Variants in GPR137B observed in about 807,000 individuals in gnomAD.
GPR137B encodes integral membrane protein GPR137B.
Under a neutral mutation model 42.5 loss-of-function variants are expected in GPR137B, and 42 were observed. The observed-to-expected ratio is 0.99, with a 90% CI of 0.77 to 1.28. The LOEUF (loss-of-function observed/expected upper bound fraction) is 1.28. GPR137B is among the 50% of genes most tolerant of loss of function. The pLI, the probability that GPR137B is intolerant of heterozygous loss-of-function variation, is 0.00. For synonymous variants in GPR137B, 218 were observed against 209.7 expected (o/e 1.04, Z -0.34); for missense variants, 487 against 493.9 (o/e 0.99, Z 0.13).
intron 2 of GPR137B, 148 bp downstream of exon 2, chr1:236,168,903 C>T: frequency 1.5e-6 from 1 of 678,178 alleles, no homozygotes; most frequent in South Asian, 1.7e-5. Flanking sequence ...ACATTGTGCA[C>T]ATCATGTGCA....
rs1156281480 is a variant in GPR137B at position 236,142,559 on chromosome 1, G to C, written c.-64G>C. On this transcript the variant is annotated 5_prime_UTR_variant, in exon 1 of 7. Transcript: ENST00000366592. ...GGCTTGTTTTCTTTCCTCCAGTCTC[G>C]GGGCTGCAGGCTGAGCGCGATGCGC... 5.6e-6 allele frequency: 5 copies of C among 885,186 alleles called. No individual in the cohort carries two copies. The highest frequency in any genetic ancestry group is 3.8e-5 in the South Asian group (1 of 26,436). 54.8% of individuals were successfully genotyped at this position (885,186 alleles called of 1,614,324 possible).
chr1:236,188,483 G>A (rs1439831927), intron 5 of GPR137B, among the ~76,000 whole-genome samples: 1 of 152,056 alleles, frequency 6.6e-6, no homozygotes, highest in Non-Finnish European at 1.5e-5. Context: ...ATTATTTTGA[G>A]ATACATTCCA....
At chr1:236,190,148 C>CTTTTTT (rs34520510) in intron 5 of GPR137B, among the ~76,000 whole-genome samples, 157 of 119,086 alleles carry the variant, frequency 1.3e-3, no homozygotes, top group Non-Finnish European at 2.0e-3. Context: ...CCTGCTTCTT[C>CTTTTTT]TTTTTTTTTT....
At chr1:236,170,039 C>CAAA (rs11346365) in intron 2 of GPR137B, among the ~76,000 whole-genome samples, 62 of 36,612 alleles carry the variant, frequency 1.7e-3, no homozygotes, top group East Asian at 2.8e-3. Context: ...GAATCCATCT[C>CAAA]AAAAAAAAAA....
chr1:236,190,386 G>C (rs1355655695), intron 5 of GPR137B, among the ~76,000 whole-genome samples: 1 of 152,152 alleles, frequency 6.6e-6, no homozygotes, highest in Non-Finnish European at 1.5e-5. Flanking sequence ...GATGTTAGCT[G>C]ATTATTTTGC....
At position 236,156,953 on chromosome 1, in the gene GPR137B, G is replaced by A. The variant is rs1005660998; in HGVS notation, c.415-11753G>A. Among the ~76,000 whole-genome samples the A allele has an allele frequency of 4.6e-5, 7 of 152,188 alleles. No homozygotes were observed. Among genetic ancestry groups the A allele is most frequent in the Non-Finnish European group, 1.5e-5 (1 of 68,026 alleles). ...TAGTAGCTGTGCGTTTAGAATCATGGTTTGCGAACATAGATGAGGACTAAT... is the reference window on the plus strand; with the variant it reads ...TAGTAGCTGTGCGTTTAGAATCATGATTTGCGAACATAGATGAGGACTAAT... On this transcript the variant is annotated intron_variant, in intron 1 of 6. Coordinates refer to ENST00000366592, the MANE Select transcript of GPR137B (RefSeq NM_003272.4). The surrounding 1 kb of genome is among the most constrained non-coding windows in gnomAD (Gnocchi z 4.8).
chr1:236,147,024 GT>G (rs1398395294), intron 1 of GPR137B, among the ~76,000 whole-genome samples: 1 of 152,226 alleles, frequency 6.6e-6, no homozygotes. Flanking sequence ...GGCCAGGCTG[GT>G]TTTGAACTCC....
intron 5 of GPR137B, among the ~76,000 whole-genome samples, chr1:236,192,456 A>G (rs1663218076): frequency 6.6e-6 from 1 of 151,860 alleles, no homozygotes; most frequent in South Asian, 2.1e-4. Flanking sequence ...CTTGAAACCT[A>G]GGGCCCTGGA....
chr1:236,179,116 C>T (rs1306403946), intron 3 of GPR137B, among the ~76,000 whole-genome samples: 3 of 151,884 alleles, frequency 2.0e-5, no homozygotes, highest in Admixed American at 2.0e-4. Context: ...CTTTTAACAA[C>T]AGAACTGTGG....
At chr1:236,203,662 T>A (rs1203695527) in intron 5 of GPR137B, among the ~76,000 whole-genome samples, 1 of 152,190 alleles carries the variant, frequency 6.6e-6, no homozygotes, top group Non-Finnish European at 1.5e-5. Flanking sequence ...CAGAAAATAT[T>A]TTTCCATTTT....
intron 5 of GPR137B, among the ~76,000 whole-genome samples, chr1:236,192,864 T>C (rs1004257843): frequency 6.6e-6 from 1 of 151,418 alleles, no homozygotes; most frequent in African/African-American, 2.4e-5. Context: ...CTTAAATGTT[T>C]CCTTTTTATC....
At chr1:236,188,931 C>T (rs1663111904) in intron 5 of GPR137B, among the ~76,000 whole-genome samples, 1 of 152,146 alleles carries the variant, frequency 6.6e-6, no homozygotes, top group South Asian at 2.1e-4. Flanking sequence ...TAGAATTCGG[C>T]TGTGAATCTT....
intron 1 of GPR137B, among the ~76,000 whole-genome samples, chr1:236,167,569 G>A (rs890908926): frequency 2.6e-5 from 4 of 152,258 alleles, no homozygotes; most frequent in East Asian, 1.9e-4. Flanking sequence ...CAGACTTGCC[G>A]GAATGGGCGT....
intron 2 of GPR137B, 85 bp downstream of exon 2, chr1:236,168,840 C>A: frequency 2.0e-6 from 2 of 1,007,430 alleles, no homozygotes; most frequent in Non-Finnish European, 3.2e-6. Flanking sequence ...GGTTTGCACA[C>A]ATCGCTGTTC....
chr1:236,203,270 G>C (rs544893582), intron 5 of GPR137B, among the ~76,000 whole-genome samples: 1 of 151,998 alleles, frequency 6.6e-6, no homozygotes, highest in Non-Finnish European at 1.5e-5. Flanking sequence ...GTAGAGATGG[G>C]GTTTCACTGT....
In GPR137B at chr1:236,208,486, A is replaced by G; in HGVS notation, c.*328A>G. On this transcript the variant is annotated 3_prime_UTR_variant, in exon 7 of 7. Transcript: ENST00000366592. ...TTTTCTTGAGAATGTTACTGCAATC[A>G]TGTTGTAGTTTGCACAGACTTTTAT... The G allele has an allele frequency of 1.1e-5, 10 of 893,880 alleles. No individual in the cohort carries two copies. The highest frequency in any genetic ancestry group is 1.2e-5 in the Non-Finnish European group (9 of 729,136). 55.4% of individuals were successfully genotyped at this position (893,880 alleles called of 1,614,324 possible).
chr1:236,171,428 A>C lies in GPR137B; in HGVS notation c.464+2673A>C, dbSNP rs1472292321. Reference sequence around the variant, plus strand: ...GAGTGAAGATGGGCATAGGAGGAGAACATTCTGTCTGATCGGACCGTGGAA... The same window carrying C: ...GAGTGAAGATGGGCATAGGAGGAGACCATTCTGTCTGATCGGACCGTGGAA... On this transcript the variant is annotated intron_variant, in intron 2 of 6. Transcript: ENST00000366592. The surrounding 1 kb of genome is among the most constrained non-coding windows in gnomAD (Gnocchi z 4.4). Among the ~76,000 whole-genome samples the C allele has an allele frequency of 6.6e-6, 1 of 152,240 alleles. No individual in the cohort carries two copies. Among genetic ancestry groups the C allele is most frequent in the Non-Finnish European group, 1.5e-5 (1 of 68,050 alleles).
chr1:236,154,943 AG>A (rs1307144263), intron 1 of GPR137B, among the ~76,000 whole-genome samples: 1 of 152,170 alleles, frequency 6.6e-6, no homozygotes, highest in Non-Finnish European at 1.5e-5. Context: ...TAGAACAATT[AG>A]GGGCAGGGCC....
Position 236,161,188 on chromosome 1 carries a change from C to A in GPR137B, c.415-7518C>A, listed in dbSNP as rs114349821. 3.4e-3 allele frequency among the ~76,000 whole-genome samples: 515 copies of A among 152,240 alleles called. 2 individuals carry two copies. The highest frequency in any genetic ancestry group is 5.8e-3 in the Non-Finnish European group (392 of 68,006). On this transcript the variant is annotated intron_variant, in intron 1 of 6. Transcript: ENST00000366592. The stretch of plus-strand genomic sequence containing the variant: ...CCCATGGTCTGCAGCCTTTGCTCTG[C>A]TCTGTATCCCAGGGACCTCTCTCAC...
Sources: gnomAD v4.1 joint callset for allele counts (sites outside exome capture counted in the v4.1 genomes callset) on GRCh38, gnomAD v4.1.1 for gene constraint, Gnocchi (gnomAD v3.1) non-coding constraint, MANE v1.5 for transcripts, NCBI Gene and HGNC (gene_info 2026-07-23, HGNC 2026-07-21) for gene names.